The following RFX7 variants were observed in gnomAD, a reference collection of about 807,000 sequenced individuals.
RFX7 encodes DNA-binding protein RFX7.
In RFX7, 26 loss-of-function variants were observed where a neutral mutation model predicts 111.8. The ratio of observed to expected loss-of-function variants is 0.23; its 90% CI spans 0.17 to 0.32. The LOEUF (loss-of-function observed/expected upper bound fraction) is 0.32, where lower values mean the gene tolerates loss of function less well. Among genes scored for constraint, RFX7 ranks in the 10% least tolerant of loss-of-function variants. RFX7 has a pLI of 1.00. For synonymous variants in RFX7, 624 were observed against 624.4 expected, an observed-to-expected ratio of 1.00 and a Z score of 0.01; for missense variants, 1,573 against 1,772.9, an observed-to-expected ratio of 0.89 and a Z score of 2.02.
intron 5 of RFX7, among the ~76,000 whole-genome samples, chr15:56,115,993 T>A (rs1443342445): frequency 6.6e-6 from 1 of 152,138 alleles, no homozygotes; most frequent in Non-Finnish European, 1.5e-5. Flanking sequence ...GATTTATGAT[T>A]ATCGACAGTA....
chr15:56,188,015 C>G (rs1470753143), intron 2 of RFX7, among the ~76,000 whole-genome samples: 14 of 152,058 alleles, frequency 9.2e-5, no homozygotes, highest in African/African-American at 2.2e-4. Flanking sequence ...TCAGAATTAG[C>G]AGACAAGGAC....
At chr15:56,177,635 G>GTCTC (rs560308172) in intron 3 of RFX7, among the ~76,000 whole-genome samples, 80 of 152,170 alleles carry the variant, frequency 5.3e-4, no homozygotes, top group Non-Finnish European at 5.6e-4. Context: ...ATTTATACCA[G>GTCTC]TCTTCTACCT....
chr15:56,163,960 G>A (rs557045342), intron 3 of RFX7, among the ~76,000 whole-genome samples: 9 of 152,122 alleles, frequency 5.9e-5, no homozygotes, highest in East Asian at 5.8e-4. Flanking sequence ...AAACTCAAAC[G>A]CCAGGCACGT....
intron 2 of RFX7, among the ~76,000 whole-genome samples, chr15:56,202,250 A>G (rs1447436951): frequency 2.6e-5 from 4 of 152,222 alleles, no homozygotes; most frequent in Admixed American, 6.5e-5. Context: ...TAGTACATTA[A>G]GAAGTAAAAA....
chr15:56,138,851 A>G (rs1319307637), intron 5 of RFX7, among the ~76,000 whole-genome samples: 1 of 152,022 alleles, frequency 6.6e-6, no homozygotes, highest in Non-Finnish European at 1.5e-5. Context: ...TCTGTAAAGT[A>G]TTTTATTTCT....
intron 2 of RFX7, among the ~76,000 whole-genome samples, chr15:56,214,714 CAAA>C (rs527416979): frequency 5.8e-5 from 5 of 86,942 alleles, no homozygotes; most frequent in African/African-American, 4.8e-5. Context: ...GACTCTGTCT[CAAA>C]AAAAAAAAAA....
chr15:56,215,812 G>A (rs560515831), intron 2 of RFX7, among the ~76,000 whole-genome samples: 2 of 152,306 alleles, frequency 1.3e-5, no homozygotes, highest in East Asian at 3.9e-4. Flanking sequence ...AAACTTAGGA[G>A]TCACTGAGGT....
In RFX7 at chr15:56,099,961, C is replaced by G. The variant is rs569451922; in HGVS notation, c.811+1398G>C. 4.3e-4 allele frequency among the ~76,000 whole-genome samples: 66 copies of G among 152,298 alleles called. 1 individual carries two copies. In the South Asian group the frequency reaches 0.013, roughly 31 times the overall value. ...AATAGGAAAGAGATGTTTCTTTTCCCCATGATACCTCCTAAATCCTTCATC... is the reference window on the plus strand; with the variant it reads ...AATAGGAAAGAGATGTTTCTTTTCCGCATGATACCTCCTAAATCCTTCATC... On this transcript the variant is annotated intron_variant, in intron 8 of 9. Transcript: ENST00000559447.
chr15:56,125,614 T>A (rs897723627), intron 5 of RFX7, among the ~76,000 whole-genome samples: 5 of 77,972 alleles, frequency 6.4e-5, no homozygotes, highest in Non-Finnish European at 1.3e-4. Flanking sequence ...TGTGTGAGTG[T>A]GTGTGTGTGT....
intron 2 of RFX7, among the ~76,000 whole-genome samples, chr15:56,232,148 T>G (rs560741513): frequency 2.0e-5 from 3 of 152,068 alleles, no homozygotes; most frequent in African/African-American, 7.3e-5. Flanking sequence ...TGGAGGATGG[T>G]GGTCCTTTTC....
intron 2 of RFX7, among the ~76,000 whole-genome samples, chr15:56,190,348 AT>A (rs530330909): frequency 1.1e-3 from 168 of 152,244 alleles, no homozygotes; most frequent in African/African-American, 4.0e-3. Flanking sequence ...CTTGGGTATG[AT>A]TGCTTAGGCT....
chr15:56,103,741 C>A, intron 5 of RFX7, 71 bp from the exon 6 acceptor site: 1 of 858,100 alleles, frequency 1.2e-6, no homozygotes, highest in Non-Finnish European at 1.8e-6. Context: ...TATTTCAATA[C>A]AATTTGATCC....
intron 2 of RFX7, among the ~76,000 whole-genome samples, chr15:56,205,672 T>G (rs754400577): frequency 7.2e-5 from 11 of 152,250 alleles, no homozygotes; most frequent in Non-Finnish European, 1.5e-4. Context: ...CAATTCATTT[T>G]ATGAAGCTAG....
Position 56,142,766 on chromosome 15 carries a change from C to T in RFX7, c.401+12G>A, listed in dbSNP as rs1490073202. 1.2e-6 allele frequency: 2 copies of T among 1,610,826 alleles called. No individual in the cohort carries two copies. The highest frequency in any genetic ancestry group is 1.3e-5 in the African/African-American group (1 of 74,864). ...TAATATATCAGCATGCCATATTACA[C>T]ATACTACTTACTTGTACTCATCATA... On this transcript the variant is annotated intron_variant, in intron 5 of 9. Coordinates refer to ENST00000559447, the MANE Select transcript of RFX7 (RefSeq NM_022841.7).
At chr15:56,211,180 G>GT (rs1212536387) in intron 2 of RFX7, among the ~76,000 whole-genome samples, 2 of 152,010 alleles carry the variant, frequency 1.3e-5, no homozygotes, top group Non-Finnish European at 2.9e-5. Flanking sequence ...GGGTTCACTG[G>GT]TAAGTTCTAC....
At chr15:56,176,969 C>CT (rs1396908060) in intron 3 of RFX7, among the ~76,000 whole-genome samples, 2 of 151,664 alleles carry the variant, frequency 1.3e-5, no homozygotes, top group African/African-American at 4.8e-5. Flanking sequence ...GCACTATTCT[C>CT]TGCATAAAAT....
rs376554680 is a variant in RFX7, at chr15:56,243,706, T to G, written c.-264A>C. ...GCTCAGGGATTTGGCGGCCAAGCCTTCCTTCCTTGTCCCCGGGGCTTTCTA... is the reference window on the plus strand; with the variant it reads ...GCTCAGGGATTTGGCGGCCAAGCCTGCCTTCCTTGTCCCCGGGGCTTTCTA... On this transcript the variant is annotated 5_prime_UTR_variant, in exon 1 of 10. Transcript: ENST00000559447. Among the ~76,000 whole-genome samples the G allele has an allele frequency of 3.0e-4, 45 of 151,542 alleles. No individual in the cohort carries two copies. The East Asian group carries it at 7.4e-3, about 25-fold the overall frequency.
chr15:56,184,319 G>A (rs548066356), intron 2 of RFX7, among the ~76,000 whole-genome samples: 1 of 150,418 alleles, frequency 6.6e-6, no homozygotes, highest in Non-Finnish European at 1.5e-5. Context: ...GATTACAGGT[G>A]TGAGCCACTG....
chr15:56,132,819 G>A (rs1440641851), intron 5 of RFX7, among the ~76,000 whole-genome samples: 1 of 152,094 alleles, frequency 6.6e-6, no homozygotes. Flanking sequence ...AATGCATTTA[G>A]TGAATAATAA....
Sources: gnomAD v4.1 joint callset for allele counts (sites outside exome capture counted in the v4.1 genomes callset) on GRCh38, gnomAD v4.1.1 for gene constraint, MANE v1.5 for transcripts, NCBI Gene and HGNC (gene_info 2026-07-23, HGNC 2026-07-21) for gene names.